Variants in ZC3H11A observed in about 807,000 individuals in gnomAD.
ZC3H11A encodes zinc finger CCCH-type containing 11A.
A neutral mutation model predicts 90.8 loss-of-function variants in ZC3H11A; 22 were observed. The ratio of observed to expected loss-of-function variants is 0.24; its 90% confidence interval spans 0.17 to 0.35. The LOEUF (loss-of-function observed/expected upper bound fraction) is 0.35, where lower values mean the gene tolerates loss of function less well. Among genes scored for constraint, ZC3H11A ranks in the 10% least tolerant of loss-of-function variants. The pLI, the probability that ZC3H11A is intolerant of heterozygous loss-of-function variation, is 1.00. For missense variants in ZC3H11A, 701 were observed against 964.9 expected (o/e 0.73, Z 3.62); for synonymous variants, 294 against 339.8 (o/e 0.87, Z 1.48).
At chr1:203,814,929 A>C (rs1675765061) in intron 2 of ZC3H11A, 1 of 152,144 alleles carries the variant, frequency 6.6e-6, no homozygotes, top group Non-Finnish European at 1.5e-5. Context: ...TCCCGGGTTC[A>C]AGAAGTTTCC....
Position 203,840,159 on chromosome 1 carries a change from G to A in ZC3H11A, c.974-147G>A, listed in dbSNP as rs552306750. The A allele has an allele frequency of 2.2e-4, 152 of 694,210 alleles. 2 individuals are homozygous for A. In the South Asian group the frequency reaches 2.8e-3, roughly 13 times the overall value. The allele number at this position is 694,210 out of a possible 1,614,324, so 43.0% of individuals were successfully genotyped here. On this transcript the variant is annotated intron_variant, in intron 11 of 17. Transcript: ENST00000367210. ...TCACCATGTTGGCCAGGCTGGCCTT[G>A]AAGTCCTGACCTCAAGTGATCAGCC...
intron 4 of ZC3H11A, among the ~76,000 whole-genome samples, chr1:203,822,762 C>G (rs1679206042): frequency 6.6e-6 from 1 of 152,184 alleles, no homozygotes; most frequent in Non-Finnish European, 1.5e-5. Context: ...GTTCCAACAC[C>G]CTATGCCAGT....
chr1:203,830,925 A>ATT lies in ZC3H11A; in HGVS notation c.701-699_701-698dup, dbSNP rs774771270. 1.5e-3 allele frequency among the ~76,000 whole-genome samples: 75 copies of ATT among 51,380 alleles called. 8 individuals carry two copies. The highest frequency in any genetic ancestry group is 2.4e-3 in the African/African-American group (34 of 14,088). The allele number at this position is 51,380 out of a possible 152,430, so 33.7% of individuals were successfully genotyped here. On this transcript the variant is annotated intron_variant, in intron 8 of 17. Transcript: ENST00000367210. ...GATTGCTCTGTATTTCCAACCCCCA[A>ATT]TTTTTTTTTTTTTTTTTTTTTTTTT...
chr1:203,820,533 A>G (rs1678253669), intron 4 of ZC3H11A, among the ~76,000 whole-genome samples: 1 of 149,030 alleles, frequency 6.7e-6, no homozygotes. Context: ...GCTGGAGTGC[A>G]GTGGTGGGAT....
At chr1:203,799,514 A>C (rs1669860319) in intron 1 of ZC3H11A, 1 of 703,042 alleles carries the variant, frequency 1.4e-6, no homozygotes, top group African/African-American at 1.7e-5. Flanking sequence ...ATTGCTACTC[A>C]GTTCACCATA....
At chr1:203,819,122 GTATA>G (rs1256403550) in intron 4 of ZC3H11A, among the ~76,000 whole-genome samples, 2 of 139,754 alleles carry the variant, frequency 1.4e-5, no homozygotes, top group African/African-American at 5.8e-5. Context: ...ACACACACGT[GTATA>G]TATACATATG....
chr1:203,825,588 C>G (rs1680273468), intron 4 of ZC3H11A, among the ~76,000 whole-genome samples: 1 of 152,060 alleles, frequency 6.6e-6, no homozygotes, highest in Non-Finnish European at 1.5e-5. Flanking sequence ...GCGCCCTCCA[C>G]CATGCCCAGC....
chr1:203,820,299 C>G (rs1678115867), intron 4 of ZC3H11A, among the ~76,000 whole-genome samples: 1 of 151,698 alleles, frequency 6.6e-6, no homozygotes, highest in Non-Finnish European at 1.5e-5. Context: ...AGTTTTGTCT[C>G]CTTCTGTTGA....
At chr1:203,806,629 A>G (rs1672435864) in intron 2 of ZC3H11A, among the ~76,000 whole-genome samples, 1 of 152,104 alleles carries the variant, frequency 6.6e-6, no homozygotes, top group Admixed American at 6.5e-5. Context: ...TAATGCATAT[A>G]CTAGAACATC....
chr1:203,839,310 G>A (rs959833743), intron 11 of ZC3H11A, among the ~76,000 whole-genome samples: 3 of 152,196 alleles, frequency 2.0e-5, no homozygotes, highest in African/African-American at 7.2e-5. Flanking sequence ...CCAAGTAGCT[G>A]GAAGTACAGG....
chr1:203,846,971 C>T (rs1000212804), intron 12 of ZC3H11A, among the ~76,000 whole-genome samples: 5 of 150,894 alleles, frequency 3.3e-5, no homozygotes, highest in Non-Finnish European at 7.4e-5. Context: ...TACCACTGCA[C>T]TCCAGCCTGG....
At chr1:203,827,346 T>C (rs1211654680) in intron 4 of ZC3H11A, among the ~76,000 whole-genome samples, 2 of 150,474 alleles carry the variant, frequency 1.3e-5, no homozygotes, top group Admixed American at 6.6e-5. Context: ...GATGCACAGG[T>C]ATTCTTTTTT....
rs570031919 is a variant in ZC3H11A at position 203,851,652 on chromosome 1, T to C, written c.2175-489T>C. The stretch of plus-strand genomic sequence containing the variant: ...GCCCCTGAAAGATGTCTTTAACACC[T>C]ACTTTGAGTTATAAAAATGCTTGGT... On this transcript the variant is annotated intron_variant, in intron 17 of 17. Transcript: ENST00000367210. Among the ~76,000 whole-genome samples, 2 of 152,184 alleles carry C rather than the reference T, an allele frequency of 1.3e-5. 1 individual carries two copies. Among genetic ancestry groups the C allele is most frequent in the South Asian group, 4.1e-4 (2 of 4,826 alleles).
intron 4 of ZC3H11A, 125 bp from the exon 5 acceptor site, chr1:203,828,174 A>G: frequency 1.9e-6 from 2 of 1,077,010 alleles, no homozygotes; most frequent in Non-Finnish European, 2.7e-6. Flanking sequence ...TCCTTCTAAA[A>G]ATCATCTCAT....
intron 4 of ZC3H11A, among the ~76,000 whole-genome samples, chr1:203,822,177 C>T (rs1679003369): frequency 6.6e-6 from 1 of 152,138 alleles, no homozygotes. Flanking sequence ...TAACTCTTCT[C>T]CAGAAGTGAG....
rs1254778261 is a variant in ZC3H11A at position 203,817,075 on chromosome 1, C to A, written c.5C>A (p.Pro2His). The A allele has an allele frequency of 9.9e-6, 16 of 1,608,290 alleles. No homozygotes were observed. The highest frequency in any genetic ancestry group is 3.5e-4 in the Middle Eastern group (2 of 5,728). M[P>H]NQGEDCYFFF... ...TGATCTAAGAATCTACCCAGCATGC[C>A]TAATCAAGGAGAAGACTGCTATTTT... is the stretch of plus-strand genomic sequence containing the variant. The change falls in exon 3 of 18, where the codon CCT becomes CAT. Residue 2 changes from proline (P) to histidine (H), a missense_variant. Around this residue, in one of 4 missense-constraint regions of ZC3H11A, gnomAD observed 59 missense variants for 132.8 expected, o/e 0.44. Coordinates refer to ENST00000367210, the MANE Select transcript of ZC3H11A (RefSeq NM_001376342.1).
In ZC3H11A at chr1:203,847,502, G is replaced by A. The variant is rs768900009; in HGVS notation, c.1361G>A (p.Gly454Glu). The change falls in exon 13 of 18, where the codon GGA becomes GAA. Residue 454 changes from glycine (G) to glutamate (E), a missense_variant. Gly to Glu is a moderately conservative substitution (Grantham distance 98, BLOSUM62 -2). Around this residue, in one of 4 missense-constraint regions of ZC3H11A, gnomAD observed 530 missense variants for 696.2 expected, o/e 0.76. Transcript: ENST00000367210. ...TTGCCACCCATTGTTGCCAGCAGAGGACAATCAGAGGAGCCTGCAGGTAAA... is the reference window on the plus strand; with the variant it reads ...TTGCCACCCATTGTTGCCAGCAGAGAACAATCAGAGGAGCCTGCAGGTAAA... ...VVLPPIVASR[G>E]QSEEPAGKTK... 1 of 1,613,930 alleles carries A rather than the reference G, an allele frequency of 6.2e-7. No individual in the cohort carries two copies. Among genetic ancestry groups the A allele is most frequent in the Non-Finnish European group, 8.5e-7 (1 of 1,179,862 alleles).
rs150416242 is a variant in ZC3H11A at position 203,802,714 on chromosome 1, C to CTTTT, written c.-442_-439dup. On this transcript the variant is annotated 5_prime_UTR_variant, in exon 2 of 18. It removes the in-frame stop codon of an upstream open reading frame in the 5' UTR. Transcript: ENST00000367210. Reference sequence around the variant, plus strand: ...TCTCAAGTTCATCTTTAAATGAACTCTTTTTTTTTGTTTTTTTTTTGTTTT... The same window carrying CTTTT: ...TCTCAAGTTCATCTTTAAATGAACTCTTTTTTTTTTTTTGTTTTTTTTTTGTTTT... The CTTTT allele has an allele frequency of 7.6e-6, 1 of 131,652 alleles. No homozygotes were observed. Among genetic ancestry groups the CTTTT allele is most frequent in the Non-Finnish European group, 1.6e-5 (1 of 60,922 alleles). The allele number at this position is 131,652 out of a possible 1,614,324, so 8.2% of individuals were successfully genotyped here.
At chr1:203,813,727 T>G (rs561464859) in intron 2 of ZC3H11A, among the ~76,000 whole-genome samples, 1 of 152,224 alleles carries the variant, frequency 6.6e-6, no homozygotes, top group South Asian at 2.1e-4. Flanking sequence ...TCCTTACCCA[T>G]TCTGGCTTCT....
Sources: gnomAD v4.1 joint callset for allele counts (sites outside exome capture counted in the v4.1 genomes callset) on GRCh38, gnomAD v4.1.1 for gene constraint, gnomAD v4.1.1 regional missense constraint, MANE v1.5 for transcripts, NCBI Gene and HGNC (gene_info 2026-07-23, HGNC 2026-07-21) for gene names.